Variants in PTPRT observed in about 807,000 individuals in gnomAD.
PTPRT encodes receptor-type tyrosine-protein phosphatase T.
PTPRT carries 56 observed loss-of-function variants against 176.8 expected under a neutral mutation model. The ratio of observed to expected loss-of-function variants is 0.32; its 90% CI spans 0.26 to 0.40. The LOEUF is 0.40. PTPRT is among the 10% of genes least tolerant of loss of function. The pLI is 1.00. For missense variants in PTPRT, 1,540 were observed against 1,908.2 expected (o/e 0.81, Z 3.60); for synonymous variants, 783 against 739.0 (o/e 1.06, Z -0.96).
chr20:42,393,649 G>T (rs1056657589), intron 9 of PTPRT, among the ~76,000 whole-genome samples: 2 of 152,144 alleles, frequency 1.3e-5, no homozygotes, highest in African/African-American at 4.8e-5. Flanking sequence ...CATATTTATT[G>T]TAGTATTTAT....
At chr20:42,673,416 A>C (rs1258629623) in intron 7 of PTPRT, among the ~76,000 whole-genome samples, 1 of 152,226 alleles carries the variant, frequency 6.6e-6, no homozygotes, top group Admixed American at 6.5e-5. Context: ...GTCGGGGGAC[A>C]GGTCTGAGAA....
chr20:42,690,770 A>G (rs186310304), intron 6 of PTPRT, among the ~76,000 whole-genome samples: 37 of 152,266 alleles, frequency 2.4e-4, no homozygotes, highest in African/African-American at 8.9e-4. Context: ...TTGCCTTGCA[A>G]TCTCTATTAT....
intron 2 of PTPRT, among the ~76,000 whole-genome samples, chr20:42,850,495 C>A (rs1303144188): frequency 6.6e-6 from 1 of 152,190 alleles, no homozygotes; most frequent in Non-Finnish European, 1.5e-5. Context: ...AGGATGGAGG[C>A]ATTTTATTTA....
rs529222767 is a variant in PTPRT, at chr20:42,937,542, T to C, written c.89-51610A>G. On this transcript the variant is annotated intron_variant, in intron 1 of 30. Transcript: ENST00000373187. ...CTCAGAAAGTCTTTCCCTTTTATTA[T>C]CAGCCAAAATAAAATCCTATAGTTT... 3.9e-5 allele frequency among the ~76,000 whole-genome samples: 6 copies of C among 152,332 alleles called. No homozygotes were observed. In the South Asian group the frequency reaches 6.2e-4, roughly 16 times the overall value.
chr20:42,945,464 T>C (rs1013486021), intron 1 of PTPRT, among the ~76,000 whole-genome samples: 2 of 152,312 alleles, frequency 1.3e-5, no homozygotes, highest in East Asian at 3.9e-4. Context: ...TAATCTGCCA[T>C]GAAGCAGATG....
intron 14 of PTPRT, among the ~76,000 whole-genome samples, chr20:42,245,910 G>A (rs1342144933): frequency 6.6e-6 from 1 of 152,188 alleles, no homozygotes; most frequent in Admixed American, 6.5e-5. Flanking sequence ...ACCCAGGCAA[G>A]CTTAAGCCAG....
chr20:42,032,252 G>T, the PTPRT span, among the ~76,000 whole-genome samples: 1 of 152,154 alleles, frequency 6.6e-6, no homozygotes, highest in Non-Finnish European at 1.5e-5. Context: ...CAAGGTAGAA[G>T]GAGAGCACTC....
intron 1 of PTPRT, among the ~76,000 whole-genome samples, chr20:42,919,393 T>A (rs1283618979): frequency 2.0e-5 from 3 of 152,160 alleles, no homozygotes; most frequent in Non-Finnish European, 4.4e-5. Flanking sequence ...GGTCTACAGA[T>A]GGATGACAAT....
intron 7 of PTPRT, among the ~76,000 whole-genome samples, chr20:42,479,739 A>G (rs879783533): frequency 2.6e-5 from 4 of 152,224 alleles, no homozygotes; most frequent in Non-Finnish European, 5.9e-5. Flanking sequence ...GGAAATGCAC[A>G]TGGGAATATT....
At position 42,448,146 on chromosome 20, in the gene PTPRT, G is replaced by A. The variant is rs1382382185; in HGVS notation, c.1560+74C>T. On this transcript the variant is annotated intron_variant, in intron 9 of 30. Coordinates refer to ENST00000373187, the MANE Select transcript of PTPRT (RefSeq NM_007050.6). ...CACCTTTATACGTTCAGCAGAATGG[G>A]TATTCACCAATGTCAGGCTGAAGTG... 6.0e-5 allele frequency: 68 copies of A among 1,126,872 alleles called. No individual in the cohort carries two copies. In the East Asian group the frequency reaches 1.6e-3, roughly 26 times the overall value. 69.8% of individuals were successfully genotyped at this position (1,126,872 alleles called of 1,614,324 possible). A position where few individuals can be genotyped will look rare whatever the true frequency, so the allele number is the denominator to read the frequency against.
At chr20:42,181,860 T>C (rs1406822508) in intron 16 of PTPRT, among the ~76,000 whole-genome samples, 1 of 151,990 alleles carries the variant, frequency 6.6e-6, no homozygotes, top group African/African-American at 2.4e-5. Context: ...TACAAGAAAT[T>C]TCTGACACAT....
chr20:42,515,502 T>C (rs185668792), intron 7 of PTPRT, among the ~76,000 whole-genome samples: 1 of 152,138 alleles, frequency 6.6e-6, no homozygotes, highest in South Asian at 2.1e-4. Flanking sequence ...ACAAAAAACA[T>C]GGACGAGTGT....
At chr20:42,652,325 C>T (rs2145973462) in intron 7 of PTPRT, among the ~76,000 whole-genome samples, 1 of 152,236 alleles carries the variant, frequency 6.6e-6, no homozygotes, top group Admixed American at 6.5e-5. Flanking sequence ...TTAACAGAAC[C>T]TCCTTGAGTA....
the PTPRT span, among the ~76,000 whole-genome samples, chr20:42,037,024 A>T: frequency 6.6e-6 from 1 of 152,212 alleles, no homozygotes; most frequent in Middle Eastern, 3.2e-3. Flanking sequence ...CCTCCCTCAG[A>T]GGACCAGGTC....
chr20:42,431,121 A>G (rs1448330489), intron 9 of PTPRT, among the ~76,000 whole-genome samples: 8 of 152,258 alleles, frequency 5.3e-5, no homozygotes, highest in Non-Finnish European at 1.5e-5. Flanking sequence ...AGCTAGGACT[A>G]CAATACATTT....
intron 8 of PTPRT, among the ~76,000 whole-genome samples, chr20:42,457,909 T>G (rs1469230892): frequency 1.3e-5 from 2 of 152,176 alleles, no homozygotes; most frequent in Non-Finnish European, 2.9e-5. Flanking sequence ...GCTCTCGTTC[T>G]CTGCATCATG....
chr20:42,515,170 T>A (rs1200554653), intron 7 of PTPRT, among the ~76,000 whole-genome samples: 1 of 152,166 alleles, frequency 6.6e-6, no homozygotes, highest in Non-Finnish European at 1.5e-5. Flanking sequence ...TCAATGCAAT[T>A]TTATAATTTT....
chr20:42,093,314 G>GT (rs1984832828), intron 27 of PTPRT, among the ~76,000 whole-genome samples: 1 of 152,206 alleles, frequency 6.6e-6, no homozygotes, highest in South Asian at 2.1e-4. Flanking sequence ...GCTGGCTGGC[G>GT]TGGTTCTAGG....
At chr20:43,060,635 T>G (rs374969811) in intron 1 of PTPRT, among the ~76,000 whole-genome samples, 1 of 152,232 alleles carries the variant, frequency 6.6e-6, no homozygotes, top group Non-Finnish European at 1.5e-5. Context: ...ATTGTGAAGA[T>G]TGAATGAAAT....
Sources: allele counts gnomAD v4.1 joint callset (sites outside exome capture counted in the v4.1 genomes callset), GRCh38; gene constraint gnomAD v4.1.1; transcripts MANE v1.5; gene names NCBI Gene and HGNC (gene_info 2026-07-23, HGNC 2026-07-21).